SLIT1: variants seen among roughly 807,000 people sequenced by gnomAD.
SLIT1 encodes the protein slit homolog 1 protein.
SLIT1 carries 66 observed loss-of-function variants against 186.1 expected under a neutral mutation model. The observed-to-expected ratio is 0.35, with a 90% CI of 0.29 to 0.44. The LOEUF (loss-of-function observed/expected upper bound fraction) is 0.44, where lower values mean the gene tolerates loss of function less well. SLIT1 is among the 20% of genes least tolerant of loss of function. SLIT1 has a pLI of 1.00. For synonymous variants in SLIT1, 761 were observed against 833.8 expected (o/e 0.91, Z 1.50); for missense variants, 1,638 against 2,037.4 (o/e 0.80, Z 3.77).
chr10:97,060,222 G>C lies in SLIT1; in HGVS notation c.942-64C>G, dbSNP rs1848879699. 3.7e-6 allele frequency: 5 copies of C among 1,335,020 alleles called. No individual in the cohort carries two copies. The East Asian group carries it at 1.2e-4, about 31-fold the overall frequency. 82.7% of individuals were successfully genotyped at this position (1,335,020 alleles called of 1,614,324 possible). A position where few individuals can be genotyped will look rare whatever the true frequency, so the allele number is the denominator to read the frequency against. On this transcript the variant is annotated intron_variant, in intron 9 of 36. Transcript: ENST00000266058. ...GTCAGCCCAGCCCTGGGTGTTATCTGCTGGGCTCACCTGCCCTGAATAATC... is the reference window on the plus strand; with the variant it reads ...GTCAGCCCAGCCCTGGGTGTTATCTCCTGGGCTCACCTGCCCTGAATAATC...
At chr10:97,050,004 G>C (rs933071588) in intron 13 of SLIT1, among the ~76,000 whole-genome samples, 16 of 152,190 alleles carry the variant, frequency 1.1e-4, no homozygotes, top group African/African-American at 3.9e-4. Flanking sequence ...GCTCATGGCT[G>C]TACAAACCGA....
In SLIT1 at chr10:97,001,339, G is replaced by C; in HGVS notation, c.4378C>G (p.Arg1460Gly). 1 of 1,612,400 alleles carries C rather than the reference G, an allele frequency of 6.2e-7. No homozygotes were observed. The highest frequency in any genetic ancestry group is 1.1e-5 in the South Asian group (1 of 91,000). ...GELCEQESEC[R>G]GDPVRDFHQV... is the part of the protein sequence containing the mutation. ...TGAAAGTCCCGGACAGGGTCCCCCC[G>C]GCACTCGGACTCTGGATGGGACAGA... Residue 1460 changes from arginine (R) to glycine (G), a missense_variant, in exon 37 of 37, where the codon CGG (arginine) becomes GGG (glycine). Transcript: ENST00000266058.
At chr10:97,115,612 C>A (rs774674694) in intron 4 of SLIT1, among the ~76,000 whole-genome samples, 2 of 152,064 alleles carry the variant, frequency 1.3e-5, no homozygotes, top group Admixed American at 6.5e-5. Flanking sequence ...CCTGGAAGAG[C>A]CCTGGGCATC....
intron 4 of SLIT1, among the ~76,000 whole-genome samples, chr10:97,136,015 G>C (rs1463849235): frequency 6.6e-6 from 1 of 152,106 alleles, no homozygotes; most frequent in African/African-American, 2.4e-5. Flanking sequence ...CATTAGGATG[G>C]GGCCCTCGGG....
At chr10:97,133,175 A>T (rs901115439) in intron 4 of SLIT1, among the ~76,000 whole-genome samples, 9 of 148,508 alleles carry the variant, frequency 6.1e-5, no homozygotes, top group Admixed American at 1.3e-4. Flanking sequence ...TATTCAGCTT[A>T]AAAAAAAAGG....
intron 28 of SLIT1, 106 bp downstream of exon 28, chr10:97,018,480 C>T: frequency 1.5e-6 from 1 of 676,442 alleles, no homozygotes; most frequent in Non-Finnish European, 2.5e-6. Flanking sequence ...CACCTCCCCA[C>T]AGGGCACAGG....
At position 97,001,036 on chromosome 10, in the gene SLIT1, G is replaced by A; in HGVS notation, c.*76C>T. ...CTGTGATGACCTGCACCCCAGCCCA[G>A]CTGCTGGCGACTGTCTCCGCTGCTG... is the stretch of plus-strand genomic sequence containing the variant. On this transcript the variant is annotated 3_prime_UTR_variant, in exon 37 of 37. Coordinates refer to ENST00000266058, the MANE Select transcript of SLIT1 (RefSeq NM_003061.3). The A allele has an allele frequency of 8.1e-7, 1 of 1,234,810 alleles. No individual in the cohort carries two copies. Among genetic ancestry groups the A allele is most frequent in the African/African-American group, 1.5e-5 (1 of 67,672 alleles). 76.5% of individuals were successfully genotyped at this position (1,234,810 alleles called of 1,614,324 possible).
At chr10:97,041,092 G>C (rs1376511736) in intron 20 of SLIT1, among the ~76,000 whole-genome samples, 1 of 152,190 alleles carries the variant, frequency 6.6e-6, no homozygotes, top group Admixed American at 6.5e-5. Context: ...GAACCTGCTC[G>C]ATTGGCCACC....
In SLIT1 at chr10:97,034,014, G is replaced by A. The variant is rs558433051; in HGVS notation, c.2438+457C>T. On this transcript the variant is annotated intron_variant, in intron 23 of 36. Transcript: ENST00000266058. ...CAAGTAGGTGGGACTACAGGCACCC[G>A]CCACCCAGCCCGATTAATTTTTGTA... is the stretch of plus-strand genomic sequence containing the variant. 5.9e-5 allele frequency among the ~76,000 whole-genome samples: 9 copies of A among 152,142 alleles called. No individual in the cohort carries two copies. The South Asian group carries it at 1.3e-3, about 21-fold the overall frequency.
chr10:97,031,666 T>C lies in SLIT1; in HGVS notation c.2450A>G (p.Tyr817Cys). The C allele has an allele frequency of 6.4e-7, 1 of 1,551,346 alleles. No individual in the cohort carries two copies. Among genetic ancestry groups the C allele is most frequent in the East Asian group, 2.4e-5 (1 of 40,960 alleles). ...MSQLTTLILS[Y>C]NALQCIPPLA... ...AGGCGGGATGCACTGCAGGGCATTG[T>C]AGCTGAGGATCCTGCGGAGGAAGGA... The change falls in exon 24 of 37, where the codon TAC (tyrosine) becomes TGC (cysteine). Residue 817 changes from tyrosine (Y) to cysteine (C), a missense_variant. By Grantham distance (194) the Tyr-to-Cys change is radical (BLOSUM62 -2). Transcript: ENST00000266058.
At chr10:97,035,735 C>T (rs917169727) in intron 22 of SLIT1, among the ~76,000 whole-genome samples, 1 of 152,314 alleles carries the variant, frequency 6.6e-6, no homozygotes, top group South Asian at 2.1e-4. Context: ...GGCCACCTGT[C>T]GGCACTCCTG....
chr10:97,086,655 T>C (rs539375895), intron 4 of SLIT1, among the ~76,000 whole-genome samples: 9 of 152,118 alleles, frequency 5.9e-5, no homozygotes, highest in African/African-American at 1.9e-4. Context: ...GAAGCCAGAA[T>C]GATATATACT....
intron 30 of SLIT1, 105 bp downstream of exon 30, chr10:97,013,636 T>G: frequency 1.2e-6 from 1 of 822,310 alleles, no homozygotes; most frequent in Non-Finnish European, 2.0e-6. Context: ...ACCAAACCCA[T>G]TGGACAAATG....
chr10:97,096,937 G>A lies in SLIT1; in HGVS notation c.414-30851C>T, dbSNP rs558007259. 9.9e-4 allele frequency among the ~76,000 whole-genome samples: 150 copies of A among 152,256 alleles called. 1 individual carries two copies. Among genetic ancestry groups the A allele is most frequent in the African/African-American group, 2.7e-3 (113 of 41,562 alleles). On this transcript the variant is annotated intron_variant, in intron 4 of 36. Transcript: ENST00000266058. ...ATCCTCATTTGGACAAATTTAAACC[G>A]CCCAACCAGCTGTCTGCCAAACGTA...
In SLIT1 at chr10:96,999,687, G is replaced by A. The variant is rs1412437100; in HGVS notation, c.*1425C>T. The A allele has an allele frequency of 1.3e-5, 2 of 152,252 alleles. No homozygotes were observed. The highest frequency in any genetic ancestry group is 3.9e-4 in the East Asian group (2 of 5,190). 9.4% of individuals were successfully genotyped at this position (152,252 alleles called of 1,614,324 possible). ...CACTGTGTATGGAAGAGAAGACAACGTGGGCAGGCAATCGTATATTCAGGG... is the reference window on the plus strand; with the variant it reads ...CACTGTGTATGGAAGAGAAGACAACATGGGCAGGCAATCGTATATTCAGGG... On this transcript the variant is annotated 3_prime_UTR_variant, in exon 37 of 37. Transcript: ENST00000266058.
Position 97,014,182 on chromosome 10 carries a change from A to C in SLIT1, c.2970-24T>G, listed in dbSNP as rs781656385. On this transcript the variant is annotated intron_variant, in intron 28 of 36. Coordinates refer to ENST00000266058, the MANE Select transcript of SLIT1 (RefSeq NM_003061.3). ...ACCTGTGCGGGGAAGGGGAGGATGG[A>C]GAGACAGCCCTCTTGGAACACTGGT... is the stretch of plus-strand genomic sequence containing the variant. The C allele has an allele frequency of 5.0e-6, 8 of 1,611,576 alleles. No homozygotes were observed. In the South Asian group the frequency reaches 8.8e-5, roughly 18 times the overall value.
chr10:97,017,414 C>G (rs1173637745), intron 28 of SLIT1, among the ~76,000 whole-genome samples: 1 of 152,184 alleles, frequency 6.6e-6, no homozygotes, highest in African/African-American at 2.4e-5. Context: ...TTATTTTCAG[C>G]AACTAAATAC....
At chr10:97,098,891 A>C (rs1217540067) in intron 4 of SLIT1, among the ~76,000 whole-genome samples, 1 of 152,210 alleles carries the variant, frequency 6.6e-6, no homozygotes, top group Non-Finnish European at 1.5e-5. Context: ...CGTGGCTGTC[A>C]GTAGGAACTC....
At chr10:97,118,712 C>T (rs1199400203) in intron 4 of SLIT1, among the ~76,000 whole-genome samples, 5 of 152,188 alleles carry the variant, frequency 3.3e-5, no homozygotes, top group African/African-American at 1.2e-4. Flanking sequence ...CCAACTCTGT[C>T]ACACACTAGC....
Sources: gnomAD v4.1 joint callset for allele counts (sites outside exome capture counted in the v4.1 genomes callset) on GRCh38, gnomAD v4.1.1 for gene constraint, MANE v1.5 for transcripts, NCBI Gene and HGNC (gene_info 2026-07-23, HGNC 2026-07-21) for gene names.